IRAK4: variants seen among roughly 807,000 people sequenced by gnomAD.
IRAK4 encodes the protein interleukin 1 receptor associated kinase 4.
Under a neutral mutation model 51.8 loss-of-function variants are expected in IRAK4, and 44 were observed. That is an observed-to-expected ratio of 0.85 (90% CI 0.67 to 1.09). The LOEUF is 1.09. IRAK4 is among the 50% of genes least tolerant of loss of function. The pLI, the probability that IRAK4 is intolerant of heterozygous loss-of-function variation, is 0.00. For synonymous variants in IRAK4, 149 were observed against 174.1 expected (o/e 0.86, Z 1.13); for missense variants, 487 against 538.0 (o/e 0.91, Z 0.94).
At chr12:43,768,004 C>A in intron 1 of IRAK4, 99 bp from the exon 2 acceptor site, 1 of 826,966 alleles carries the variant, frequency 1.2e-6, no homozygotes, top group Non-Finnish European at 2.0e-6. Context: ...TAATCAGTTG[C>A]TGACATTTCA....
chr12:43,769,657 A>G (rs148430277), intron 2 of IRAK4, among the ~76,000 whole-genome samples: 150 of 152,296 alleles, frequency 9.8e-4, no homozygotes, highest in African/African-American at 3.5e-3. Context: ...CTCAATAGAT[A>G]GAGAAAAAGT....
Position 43,768,337 on chromosome 12 carries a change from T to G in IRAK4, c.161+65T>G. The G allele has an allele frequency of 4.0e-6, 5 of 1,256,922 alleles. No individual in the cohort carries two copies. In the South Asian group the frequency reaches 6.4e-5, roughly 16 times the overall value. 77.9% of individuals were successfully genotyped at this position (1,256,922 alleles called of 1,614,324 possible). Reference sequence around the variant, plus strand: ...CACAATATGGAATGATTAATTGGTATAAGTACTGTCTAATGTGGCAGTTTA... The same window carrying G: ...CACAATATGGAATGATTAATTGGTAGAAGTACTGTCTAATGTGGCAGTTTA... On this transcript the variant is annotated intron_variant, in intron 2 of 11. Transcript: ENST00000613694.
Position 43,773,123 on chromosome 12 carries a change from C to T in IRAK4, c.651+51C>T, listed in dbSNP as rs773013598. The T allele has an allele frequency of 4.0e-6, 6 of 1,494,044 alleles. No individual in the cohort carries two copies. In the African/African-American group the frequency reaches 4.2e-5, roughly 10 times the overall value. The allele number at this position is 1,494,044 out of a possible 1,614,324, so 92.5% of individuals were successfully genotyped here. ...AGAAAGAGTTGCTTCATAGTGTGCC[C>T]TATAATAGGTTTTAAAGTTAATCTT... is the stretch of plus-strand genomic sequence containing the variant. On this transcript the variant is annotated intron_variant, in intron 5 of 11. Transcript: ENST00000613694.
chr12:43,786,653 TTTTG>T (rs796926373), intron 11 of IRAK4, 23 bp from the exon 12 acceptor site: 1 of 1,612,372 alleles, frequency 6.2e-7, no homozygotes, highest in Non-Finnish European at 8.5e-7. Context: ...AATGTGGTTC[TTTTG>T]TTTTTTTCTT....
In IRAK4 at chr12:43,788,059, A is replaced by G. The variant is rs1372769017; in HGVS notation, c.*1344A>G. ...GTGACAGAGTGAGACTCCATCATAA[A>G]TAAATAAATAAATAAATGGGTCACA... On this transcript the variant is annotated 3_prime_UTR_variant, in exon 12 of 12. Coordinates refer to ENST00000613694, the MANE Select transcript of IRAK4 (RefSeq NM_016123.4). The G allele has an allele frequency of 2.0e-5, 3 of 150,696 alleles. No individual in the cohort carries two copies. Among genetic ancestry groups the G allele is most frequent in the African/African-American group, 5.0e-5 (2 of 40,152 alleles). The allele number at this position is 150,696 out of a possible 1,614,324, so 9.3% of individuals were successfully genotyped here.
chr12:43,765,312 C>T (rs972137506), intron 1 of IRAK4, among the ~76,000 whole-genome samples: 7 of 152,152 alleles, frequency 4.6e-5, no homozygotes, highest in African/African-American at 9.7e-5. Context: ...ATGTTTTCCT[C>T]GAAAATCGAT....
intron 10 of IRAK4, among the ~76,000 whole-genome samples, chr12:43,784,340 C>A (rs556574072): frequency 1.3e-5 from 2 of 152,286 alleles, no homozygotes; most frequent in East Asian, 3.9e-4. Flanking sequence ...CGGAAGTCAG[C>A]TGGATCTCCT....
Position 43,772,249 on chromosome 12 carries a change from C to T in IRAK4, c.377C>T (p.Pro126Leu). ...ATAACAGTTCAGCAAAAACAGATGC[C>T]TTTCTGTGACAAAGACAGGACATTG... ...EAITVQQKQM[P>L]FCDKDRTLMT... The change falls in exon 4 of 12, where the codon CCT becomes CTT. Residue 126 changes from proline to leucine, a missense_variant. By Grantham distance (98) the Pro-to-Leu change is moderately conservative. Transcript: ENST00000613694. The T allele has an allele frequency of 5.0e-6, 8 of 1,613,774 alleles. No individual in the cohort carries two copies. Among genetic ancestry groups the T allele is most frequent in the Non-Finnish European group, 5.9e-6 (7 of 1,179,804 alleles).
rs772137322 is a variant in IRAK4 at position 43,786,379 on chromosome 12, T to C, written c.1189-20T>C. ...TCACTATGATTTGAAGCTCTTAAAG[T>C]TTTAACACTCATTTTAAAGCTAGAT... On this transcript the variant is annotated intron_variant, in intron 10 of 11. Coordinates refer to ENST00000613694, the MANE Select transcript of IRAK4 (RefSeq NM_016123.4). 2.0e-6 allele frequency: 3 copies of C among 1,502,914 alleles called. No homozygotes were observed. The African/African-American group carries it at 4.2e-5, about 21-fold the overall frequency. The allele number at this position is 1,502,914 out of a possible 1,614,324, so 93.1% of individuals were successfully genotyped here.
In IRAK4 at chr12:43,786,930, A is replaced by G. The variant is rs1468130782; in HGVS notation, c.*215A>G. ...CCCATTAGTATCACCCCCAGTTCTT[A>G]CAGTAATCCCTGAGAAATCTCCTTC... On this transcript the variant is annotated 3_prime_UTR_variant, in exon 12 of 12. Transcript: ENST00000613694. 8.8e-6 allele frequency: 5 copies of G among 566,434 alleles called. No homozygotes were observed. Among genetic ancestry groups the G allele is most frequent in the Non-Finnish European group, 1.6e-5 (5 of 321,884 alleles). 35.1% of individuals were successfully genotyped at this position (566,434 alleles called of 1,614,324 possible).
chr12:43,787,859 C>G lies in IRAK4; in HGVS notation c.*1144C>G, dbSNP rs1424283245. ...ATCACCTGAGGTCAAGAGTTCAAGA[C>G]CGGCCTGGCCAACATGGTGAAACCC... On this transcript the variant is annotated 3_prime_UTR_variant, in exon 12 of 12. Coordinates refer to ENST00000613694, the MANE Select transcript of IRAK4 (RefSeq NM_016123.4). The G allele has an allele frequency of 6.6e-6, 1 of 152,294 alleles. No individual in the cohort carries two copies. The highest frequency in any genetic ancestry group is 1.5e-5 in the Non-Finnish European group (1 of 68,172). 9.4% of individuals were successfully genotyped at this position (152,294 alleles called of 1,614,324 possible). A position where few individuals can be genotyped will look rare whatever the true frequency, so the allele number is the denominator to read the frequency against.
chr12:43,770,236 A>G (rs539624999), intron 2 of IRAK4, among the ~76,000 whole-genome samples: 1 of 152,336 alleles, frequency 6.6e-6, no homozygotes, highest in African/African-American at 2.4e-5. Flanking sequence ...TTTCAATTTA[A>G]TTGAATTACA....
intron 6 of IRAK4, among the ~76,000 whole-genome samples, chr12:43,776,711 A>T (rs535262312): frequency 4.8e-4 from 73 of 152,362 alleles, no homozygotes; most frequent in African/African-American, 1.7e-3. Flanking sequence ...GGGCAGAACT[A>T]GACTTTAAAT....
chr12:43,766,166 A>G (rs949011470), intron 1 of IRAK4, among the ~76,000 whole-genome samples: 27 of 152,178 alleles, frequency 1.8e-4, no homozygotes, highest in Non-Finnish European at 1.9e-4. Context: ...GTCTTAGCAC[A>G]TGAGGTACAT....
intron 5 of IRAK4, among the ~76,000 whole-genome samples, chr12:43,773,639 G>GT (rs376099504): frequency 3.7e-4 from 55 of 150,134 alleles, no homozygotes; most frequent in African/African-American, 7.6e-4. Context: ...CTTTTGTAGG[G>GT]TTTTTTTTTC....
At chr12:43,761,991 T>A (rs1312996693) in intron 1 of IRAK4, among the ~76,000 whole-genome samples, 1 of 152,204 alleles carries the variant, frequency 6.6e-6, no homozygotes, top group Non-Finnish European at 1.5e-5. Context: ...TAATCCTAAG[T>A]GTACTAAAGT....
intron 1 of IRAK4, among the ~76,000 whole-genome samples, chr12:43,765,175 A>G (rs1279388279): frequency 6.6e-6 from 1 of 152,216 alleles, no homozygotes; most frequent in African/African-American, 2.4e-5. Flanking sequence ...GCAGCCATCA[A>G]GTGGAAAGTT....
chr12:43,770,267 T>C lies in IRAK4; in HGVS notation c.162-953T>C, dbSNP rs575174152. The stretch of plus-strand genomic sequence containing the variant: ...TTACAGTTAAGATCAAAGGAATAAT[T>C]TCCTAAGTTTTTGTGTGTTCTGTTT... On this transcript the variant is annotated intron_variant, in intron 2 of 11. Coordinates refer to ENST00000613694, the MANE Select transcript of IRAK4 (RefSeq NM_016123.4). 2.0e-5 allele frequency among the ~76,000 whole-genome samples: 3 copies of C among 152,330 alleles called. No individual in the cohort carries two copies. In the East Asian group the frequency reaches 5.8e-4, roughly 29 times the overall value.
intron 1 of IRAK4, chr12:43,760,932 G>A (rs1404548037): frequency 6.6e-6 from 1 of 152,046 alleles, no homozygotes; most frequent in Non-Finnish European, 1.5e-5. Context: ...CAGGGGCCTG[G>A]AGCAGTATCT....
Sources: allele counts gnomAD v4.1 joint callset (sites outside exome capture counted in the v4.1 genomes callset), GRCh38; gene constraint gnomAD v4.1.1; transcripts MANE v1.5; gene names NCBI Gene and HGNC (gene_info 2026-07-23, HGNC 2026-07-21).